LIMCH1: variants seen among roughly 807,000 people sequenced by gnomAD.
LIMCH1 encodes the protein LIM and calponin homology domains 1, also known as LIM and calponin homology domains-containing protein 1.
Under a neutral mutation model 176.5 loss-of-function variants are expected in LIMCH1, and 113 were observed. The ratio of observed to expected loss-of-function variants is 0.64; its 90% CI spans 0.55 to 0.75. The LOEUF is 0.75. LIMCH1 is among the 30% of genes least tolerant of loss of function. The pLI, the probability that LIMCH1 is intolerant of heterozygous loss-of-function variation, is 0.00. For synonymous variants in LIMCH1, 619 were observed against 645.9 expected, an observed-to-expected ratio of 0.96 and a Z score of 0.63; for missense variants, 1,674 against 1,814.9, an observed-to-expected ratio of 0.92 and a Z score of 1.41.
At chr4:41,391,421 C>T (rs2057226219) in intron 1 of LIMCH1, among the ~76,000 whole-genome samples, 1 of 152,102 alleles carries the variant, frequency 6.6e-6, no homozygotes, top group Admixed American at 6.5e-5. Flanking sequence ...AACGTCAGCA[C>T]ATAGAACAAA....
chr4:41,517,632 CT>C (rs1397042858), intron 2 of LIMCH1, among the ~76,000 whole-genome samples: 1 of 152,116 alleles, frequency 6.6e-6, no homozygotes, highest in Non-Finnish European at 1.5e-5. Flanking sequence ...TTTGAAACTC[CT>C]CTGTTTCACA....
Position 41,613,659 on chromosome 4 carries a change from AT to A in LIMCH1, c.204del (p.Asp68GlufsTer19), listed in dbSNP as rs1358899735. 1 of 1,613,692 alleles carries A rather than the reference AT, an allele frequency of 6.2e-7. No individual in the cohort carries two copies. The highest frequency in any genetic ancestry group is 8.5e-7 in the Non-Finnish European group (1 of 1,179,650). On this transcript the variant is annotated frameshift_variant and splice_region_variant, in exon 5 of 32. Coordinates refer to ENST00000503057, the MANE Select transcript of LIMCH1 (RefSeq NM_001330672.2). LOFTEE classifies it high-confidence loss of function. ...GATGTAGTCCTCAGGGGAAGCAGCG[AT>A]GGTAGGTTGGAGTCTTAATAAACTA... Reference protein sequence around the residue: ...SPDVVLRGSSDGRGSDSESDL... With the variant: ...SPDVVLRGSSXGRGSDSESDL...
intron 1 of LIMCH1, among the ~76,000 whole-genome samples, chr4:41,438,898 A>G (rs912925387): frequency 1.3e-5 from 2 of 152,154 alleles, no homozygotes; most frequent in African/African-American, 4.8e-5. Flanking sequence ...ACTGCTGTAA[A>G]TGTGGATTAT....
chr4:41,671,041 TGA>T, intron 21 of LIMCH1: 1 of 939,508 alleles, frequency 1.1e-6, no homozygotes, highest in Non-Finnish European at 1.3e-6. Context: ...ATCATTTTCT[TGA>T]GAGTCCCCTG....
intron 1 of LIMCH1, among the ~76,000 whole-genome samples, chr4:41,475,869 TTAAAG>T (rs2067659545): frequency 6.6e-6 from 1 of 152,132 alleles, no homozygotes; most frequent in Non-Finnish European, 1.5e-5. Flanking sequence ...ATCCCAGAAC[TTAAAG>T]TAAAATAATA....
At position 41,568,292 on chromosome 4, in the gene LIMCH1, A is replaced by G. The variant is rs76851631; in HGVS notation, c.-241+29942A>G. ...GACTCATCACTAAGAAAGCTTTCCT[A>G]TCACTTTACAATAAATTGTGTAATC... On this transcript the variant is annotated intron_variant, in intron 1 of 31. Transcript: ENST00000503057. 2.4e-4 allele frequency among the ~76,000 whole-genome samples: 37 copies of G among 152,328 alleles called. No individual in the cohort carries two copies. In the East Asian group the frequency reaches 6.4e-3, roughly 26 times the overall value.
intron 1 of LIMCH1, among the ~76,000 whole-genome samples, chr4:41,477,098 T>C (rs553599983): frequency 6.6e-6 from 1 of 152,282 alleles, no homozygotes; most frequent in Non-Finnish European, 1.5e-5. Context: ...GGAGGGCAGG[T>C]CAGGAGCCAG....
Position 41,599,032 on chromosome 4 carries a change from T to C in LIMCH1, c.-134+6T>C. ...TCCAACAGAGTAACAGTCAAGTAAG[T>C]AAAGCGTGATTTATGTTTAAGGGAA... On this transcript the variant is annotated splice_donor_region_variant and intron_variant, in intron 2 of 31. Transcript: ENST00000503057. 6.5e-7 allele frequency: 1 copy of C among 1,546,054 alleles called. No homozygotes were observed. Among genetic ancestry groups the C allele is most frequent in the Non-Finnish European group, 8.9e-7 (1 of 1,119,258 alleles).
intron 1 of LIMCH1, among the ~76,000 whole-genome samples, chr4:41,361,273 T>C (rs1385745993): frequency 6.6e-6 from 1 of 152,238 alleles, no homozygotes; most frequent in Non-Finnish European, 1.5e-5. Flanking sequence ...AGCGCAGTGC[T>C]AGCAAAGCGT....
At chr4:41,603,788 C>G (rs892322792) in intron 2 of LIMCH1, 87 bp from the exon 3 acceptor site, 3 of 868,438 alleles carry the variant, frequency 3.5e-6, no homozygotes, top group Non-Finnish European at 5.7e-6. Context: ...ATGTTAGCTT[C>G]AAGTACATCT....
intron 1 of LIMCH1, among the ~76,000 whole-genome samples, chr4:41,593,435 A>G (rs2152728726): frequency 6.6e-6 from 1 of 152,336 alleles, no homozygotes; most frequent in South Asian, 2.1e-4. Context: ...GCACCTGAGG[A>G]TTTACCGCCA....
At chr4:41,634,594 A>G (rs1028623951) in intron 13 of LIMCH1, among the ~76,000 whole-genome samples, 1 of 151,380 alleles carries the variant, frequency 6.6e-6, no homozygotes, top group Non-Finnish European at 1.5e-5. Context: ...CCTGAATTTA[A>G]TCTATATTTT....
intron 1 of LIMCH1, among the ~76,000 whole-genome samples, chr4:41,563,232 C>T (rs901513770): frequency 8.5e-5 from 13 of 152,086 alleles, no homozygotes; most frequent in African/African-American, 3.1e-4. Context: ...TTTGATCTGT[C>T]AAACTTGATG....
intron 18 of LIMCH1, among the ~76,000 whole-genome samples, chr4:41,660,733 A>T (rs2094589657): frequency 6.6e-6 from 1 of 152,202 alleles, no homozygotes; most frequent in African/African-American, 2.4e-5. Flanking sequence ...TGAAAATACG[A>T]GTTATACACG....
At chr4:41,411,891 G>T (rs2059517740) in intron 1 of LIMCH1, among the ~76,000 whole-genome samples, 1 of 146,642 alleles carries the variant, frequency 6.8e-6, no homozygotes, top group African/African-American at 2.5e-5. Context: ...CCAGGAGGTG[G>T]AAGTTGCAGT....
intron 1 of LIMCH1, among the ~76,000 whole-genome samples, chr4:41,560,583 T>G (rs2081940771): frequency 6.6e-6 from 1 of 152,176 alleles, no homozygotes; most frequent in South Asian, 2.1e-4. Context: ...TTTTTTGGGC[T>G]TTGGTTAAAA....
intron 2 of LIMCH1, among the ~76,000 whole-genome samples, chr4:41,602,600 C>A (rs1473023957): frequency 6.6e-6 from 1 of 151,884 alleles, no homozygotes; most frequent in Non-Finnish European, 1.5e-5. Flanking sequence ...GGGCAGATCA[C>A]GAGGTCAGGA....
intron 2 of LIMCH1, among the ~76,000 whole-genome samples, chr4:41,518,738 C>G (rs1272633526): frequency 6.6e-6 from 1 of 152,072 alleles, no homozygotes; most frequent in African/African-American, 2.4e-5. Flanking sequence ...TCTTCTTGCC[C>G]CCCACCCCCG....
At chr4:41,470,244 G>T (rs1471969062) in intron 1 of LIMCH1, among the ~76,000 whole-genome samples, 1 of 152,154 alleles carries the variant, frequency 6.6e-6, no homozygotes, top group Non-Finnish European at 1.5e-5. Flanking sequence ...AACCTGAAGA[G>T]AACTGCTCAT....
Sources: gnomAD v4.1 joint callset for allele counts (sites outside exome capture counted in the v4.1 genomes callset) on GRCh38, gnomAD v4.1.1 for gene constraint, MANE v1.5 for transcripts, NCBI Gene and HGNC (gene_info 2026-07-23, HGNC 2026-07-21) for gene names.